The following CREB5 variants were observed in gnomAD, a reference collection of about 807,000 sequenced individuals.
CREB5 encodes cyclic AMP-responsive element-binding protein 5.
A neutral mutation model predicts 57.1 loss-of-function variants in CREB5; 19 were observed. The ratio of observed to expected loss-of-function variants is 0.33; its 90% confidence interval spans 0.23 to 0.49. The LOEUF is 0.49. Among genes scored for constraint, CREB5 ranks in the 20% least tolerant of loss-of-function variants. The pLI, the probability that CREB5 is intolerant of heterozygous loss-of-function variation, is 0.99. For synonymous variants in CREB5, 238 were observed against 238.3 expected (o/e 1.00, Z 0.01); for missense variants, 579 against 671.6 (o/e 0.86, Z 1.52).
At chr7:28,817,079 C>T (rs961201440) in intron 9 of CREB5, among the ~76,000 whole-genome samples, 12 of 151,820 alleles carry the variant, frequency 7.9e-5, no homozygotes, top group Admixed American at 2.6e-4. Context: ...AGTAGAGATC[C>T]GAGGCACTTA....
intron 4 of CREB5, among the ~76,000 whole-genome samples, chr7:28,562,522 C>T (rs1795314869): frequency 6.6e-6 from 1 of 152,154 alleles, no homozygotes; most frequent in African/African-American, 2.4e-5. Flanking sequence ...CTGACAGCCT[C>T]AAGTCTAGAA....
chr7:28,621,103 A>G (rs1471332958), intron 5 of CREB5, among the ~76,000 whole-genome samples: 1 of 149,192 alleles, frequency 6.7e-6, no homozygotes, highest in African/African-American at 2.5e-5. Context: ...GGAATTGTGC[A>G]GTGAGACGAG....
chr7:28,783,685 G>A (rs1308133388), intron 7 of CREB5, among the ~76,000 whole-genome samples: 1 of 152,128 alleles, frequency 6.6e-6, no homozygotes, highest in Non-Finnish European at 1.5e-5. Flanking sequence ...CAGGGGCCTT[G>A]GGGGGAGACC....
At chr7:28,602,668 A>G (rs1796967011) in intron 5 of CREB5, among the ~76,000 whole-genome samples, 1 of 152,226 alleles carries the variant, frequency 6.6e-6, no homozygotes, top group Non-Finnish European at 1.5e-5. Flanking sequence ...ACAAGATTAT[A>G]GAGATGGAGA....
chr7:28,445,763 G>T (rs376881588), intron 1 of CREB5, among the ~76,000 whole-genome samples: 2 of 151,710 alleles, frequency 1.3e-5, no homozygotes, highest in Admixed American at 1.3e-4. Context: ...GTGTTAGCCA[G>T]GATGATCTCG....
At chr7:28,651,466 G>A (rs1799125360) in intron 5 of CREB5, among the ~76,000 whole-genome samples, 1 of 152,146 alleles carries the variant, frequency 6.6e-6, no homozygotes, top group South Asian at 2.1e-4. Context: ...CTGGAGCCAG[G>A]CGTGGTGGCT....
At chr7:28,353,957 A>T (rs1222449259) in intron 1 of CREB5, among the ~76,000 whole-genome samples, 1 of 152,190 alleles carries the variant, frequency 6.6e-6, no homozygotes, top group Non-Finnish European at 1.5e-5. Flanking sequence ...TAGAGGTAGT[A>T]AGACACCATT....
chr7:28,673,553 C>T (rs1397104269), intron 5 of CREB5, among the ~76,000 whole-genome samples: 2 of 151,124 alleles, frequency 1.3e-5, no homozygotes, highest in Non-Finnish European at 3.0e-5. Flanking sequence ...AGAAGGTCTA[C>T]ATCTCATGCC....
intron 9 of CREB5, among the ~76,000 whole-genome samples, chr7:28,817,234 C>T (rs1809491323): frequency 6.6e-6 from 1 of 152,128 alleles, no homozygotes; most frequent in African/African-American, 2.4e-5. Flanking sequence ...TTCATTGCCT[C>T]CTTGCCACCC....
chr7:28,692,733 C>T (rs1801338482), intron 5 of CREB5, among the ~76,000 whole-genome samples: 1 of 152,118 alleles, frequency 6.6e-6, no homozygotes, highest in African/African-American at 2.4e-5. Context: ...CGCACCACTG[C>T]ACAACAGCTT....
chr7:28,690,644 A>AG (rs1263509381), intron 5 of CREB5, among the ~76,000 whole-genome samples: 2 of 152,032 alleles, frequency 1.3e-5, no homozygotes, highest in Non-Finnish European at 2.9e-5. Flanking sequence ...AGCCATTGCG[A>AG]GGGGTGGAGA....
intron 5 of CREB5, among the ~76,000 whole-genome samples, chr7:28,576,285 G>A (rs187150691): frequency 1.8e-3 from 271 of 152,320 alleles, no homozygotes; most frequent in South Asian, 4.4e-3. Context: ...GATCTACTAC[G>A]TGTCAGGCAT....
At position 28,369,717 on chromosome 7, in the gene CREB5, CA is replaced by C. The variant is rs369359673; in HGVS notation, c.-25+70277del. ...AAAATCCTGTTCGCTTGCCTCAAGG[CA>C]GGGCAGACCCTGGGGAGTCCTGCAA... is the stretch of plus-strand genomic sequence containing the variant. On this transcript the variant is annotated intron_variant, in intron 1 of 9. Coordinates refer to the CREB5 transcript ENST00000396299. 2.3e-4 allele frequency among the ~76,000 whole-genome samples: 35 copies of C among 152,294 alleles called. No individual in the cohort carries two copies. The East Asian group carries it at 6.8e-3, about 30-fold the overall frequency.
Position 28,522,908 on chromosome 7 carries a change from G to T in CREB5, c.291+15171G>T, listed in dbSNP as rs149733923. ...ACGACTGCTCTGCTCACCAAGATGCGTAATTCCAGTTCCCAACCAAGCATG... is the reference window on the plus strand; with the variant it reads ...ACGACTGCTCTGCTCACCAAGATGCTTAATTCCAGTTCCCAACCAAGCATG... On this transcript the variant is annotated intron_variant, in intron 4 of 10. Transcript: ENST00000357727. 3.9e-5 allele frequency among the ~76,000 whole-genome samples: 6 copies of T among 152,278 alleles called. No homozygotes were observed. The South Asian group carries it at 1.2e-3, about 32-fold the overall frequency.
chr7:28,609,821 G>A (rs1637457), intron 5 of CREB5, among the ~76,000 whole-genome samples: 98,963 of 152,172 alleles, frequency 0.65, 32,843 homozygotes, highest in East Asian at 0.88. Context: ...CACAAGTGCC[G>A]TGGAGGATGA....
At chr7:28,402,113 G>A (rs1333710640) in intron 1 of CREB5, among the ~76,000 whole-genome samples, 5 of 152,180 alleles carry the variant, frequency 3.3e-5, no homozygotes, top group Non-Finnish European at 7.3e-5. Flanking sequence ...TCCAACTGGT[G>A]TGAGATGGTA....
chr7:28,523,402 T>C (rs1793295028), intron 4 of CREB5, among the ~76,000 whole-genome samples: 1 of 152,180 alleles, frequency 6.6e-6, no homozygotes, highest in South Asian at 2.1e-4. Context: ...TCTTAATGTG[T>C]CCCAGGTGCT....
At chr7:28,379,620 C>T (rs1288742291) in intron 1 of CREB5, among the ~76,000 whole-genome samples, 1 of 152,202 alleles carries the variant, frequency 6.6e-6, no homozygotes, top group Non-Finnish European at 1.5e-5. Context: ...CACCTGGAAA[C>T]TTTAAACATC....
chr7:28,804,231 T>A lies in CREB5; in HGVS notation c.735T>A (p.Ala245=), dbSNP rs1385419309. The change falls in exon 8 of 11, where the codon GCT becomes GCA. Residue 245 remains alanine, a synonymous_variant. Transcript: ENST00000357727. ...AGGCTGCATTGACTCACCACCCTGC[T>A]GCCATGTCAAATGGGAACATGAACA... ...RLKAALTHHP[A]AMSNGNMNTM... 1 of 1,614,048 alleles carries A rather than the reference T, an allele frequency of 6.2e-7. No homozygotes were observed. The highest frequency in any genetic ancestry group is 8.5e-7 in the Non-Finnish European group (1 of 1,179,918).
Sources: allele counts gnomAD v4.1 joint callset (sites outside exome capture counted in the v4.1 genomes callset), GRCh38; gene constraint gnomAD v4.1.1; transcripts MANE v1.5; gene names NCBI Gene and HGNC (gene_info 2026-07-23, HGNC 2026-07-21).